FAM184B: variants seen among roughly 807,000 people sequenced by gnomAD.
FAM184B encodes family with sequence similarity 184 member B.
A neutral mutation model predicts 135.9 loss-of-function variants in FAM184B; 111 were observed. That is an observed-to-expected ratio of 0.82 (90% CI 0.70 to 0.96). The LOEUF is 0.96. Among genes scored for constraint, FAM184B ranks in the 40% least tolerant of loss-of-function variants. The pLI, the probability that FAM184B is intolerant of heterozygous loss-of-function variation, is 0.00. For synonymous variants in FAM184B, 552 were observed against 524.8 expected (o/e 1.05, Z -0.71); for missense variants, 1,375 against 1,323.9 (o/e 1.04, Z -0.60).
chr4:17,720,036 C>T (rs993698328), intron 1 of FAM184B, among the ~76,000 whole-genome samples: 1 of 152,232 alleles, frequency 6.6e-6, no homozygotes, highest in African/African-American at 2.4e-5. Flanking sequence ...ACATCCTCCT[C>T]AACTCCCATC....
intron 7 of FAM184B, among the ~76,000 whole-genome samples, chr4:17,676,873 C>G (rs1462256626): frequency 6.6e-6 from 1 of 152,066 alleles, no homozygotes; most frequent in Non-Finnish European, 1.5e-5. Flanking sequence ...AGCATATAGC[C>G]AAGGTGTATA....
chr4:17,666,469 C>CTTTTTTTTT (rs386399397), intron 7 of FAM184B, among the ~76,000 whole-genome samples: 1 of 57,160 alleles, frequency 1.7e-5, no homozygotes, highest in Non-Finnish European at 2.9e-5. Context: ...GTGCCTGGTT[C>CTTTTTTTTT]TTTTTTTTTT....
chr4:17,702,842 G>T (rs1364742820), intron 5 of FAM184B, among the ~76,000 whole-genome samples: 1 of 152,206 alleles, frequency 6.6e-6, no homozygotes, highest in Non-Finnish European at 1.5e-5. Flanking sequence ...CCCTCCTGCT[G>T]CTTGTGGCCG....
At chr4:17,775,554 T>A (rs894336476) in intron 1 of FAM184B, among the ~76,000 whole-genome samples, 4 of 152,204 alleles carry the variant, frequency 2.6e-5, no homozygotes, top group African/African-American at 9.7e-5. Context: ...ATAGAAACAC[T>A]TTTATCTTCT....
At chr4:17,740,891 G>A (rs767423713) in intron 1 of FAM184B, among the ~76,000 whole-genome samples, 8 of 152,096 alleles carry the variant, frequency 5.3e-5, no homozygotes, top group South Asian at 2.1e-4. Context: ...TAACCTTGCC[G>A]TCTCTTTGTC....
chr4:17,711,796 G>A (rs530027534), intron 1 of FAM184B, among the ~76,000 whole-genome samples: 58 of 152,298 alleles, frequency 3.8e-4, no homozygotes, highest in Non-Finnish European at 6.8e-4. Flanking sequence ...TAGGATGGAA[G>A]GAAGAGGTGG....
chr4:17,674,166 T>G (rs1001032905), intron 7 of FAM184B, among the ~76,000 whole-genome samples: 4 of 152,172 alleles, frequency 2.6e-5, no homozygotes, highest in African/African-American at 9.6e-5. Flanking sequence ...AAATCACTTT[T>G]AATTCTAGCA....
intron 7 of FAM184B, among the ~76,000 whole-genome samples, chr4:17,672,371 T>C (rs1716190642): frequency 6.6e-6 from 1 of 152,206 alleles, no homozygotes; most frequent in Admixed American, 6.5e-5. Flanking sequence ...TTCTCTTATC[T>C]GATTGCTCTG....
chr4:17,705,842 C>A lies in FAM184B; in HGVS notation c.1080G>T (p.Glu360Asp). Residue 360 changes from glutamate (E) to aspartate (D), a missense_variant, in exon 4 of 18, where the codon GAG becomes GAT. By Grantham distance (45) the Glu-to-Asp change is conservative (BLOSUM62 2). Transcript: ENST00000265018. ...LVSENKVLRE[E>D]NDLEAGNLHP... is the part of the protein sequence containing the mutation. ...GAAGATTGCCGGCTTCCAAGTCATTCTCTTCCCGCAGGACTTTGTTCTCTG... is the reference window on the plus strand; with the variant it reads ...GAAGATTGCCGGCTTCCAAGTCATTATCTTCCCGCAGGACTTTGTTCTCTG... The A allele has an allele frequency of 6.4e-7, 1 of 1,552,242 alleles. No homozygotes were observed. The highest frequency in any genetic ancestry group is 8.7e-7 in the Non-Finnish European group (1 of 1,147,120).
chr4:17,688,307 T>C, intron 7 of FAM184B, 117 bp downstream of exon 7: 2 of 686,076 alleles, frequency 2.9e-6, no homozygotes, highest in South Asian at 1.9e-5. Context: ...ATTTTGGCAG[T>C]GTCGAGGAGA....
intron 7 of FAM184B, among the ~76,000 whole-genome samples, chr4:17,686,930 G>GGGCA (rs1560176353): frequency 3.3e-5 from 5 of 152,190 alleles, no homozygotes; most frequent in Non-Finnish European, 5.9e-5. Context: ...AACAGAGAAA[G>GGGCA]ACCCTGTCTC....
At chr4:17,664,486 G>T in intron 8 of FAM184B, 76 bp downstream of exon 8, 1 of 1,152,708 alleles carries the variant, frequency 8.7e-7, no homozygotes, top group South Asian at 1.4e-5. Context: ...AGGATAGAAT[G>T]AATGAATGGA....
Position 17,664,441 on chromosome 4 carries a change from C to G in FAM184B, c.1694+121G>C. On this transcript the variant is annotated intron_variant, in intron 8 of 17. Coordinates refer to ENST00000265018, the MANE Select transcript of FAM184B (RefSeq NM_015688.2). ...CATACAAGATATGCTTGTTGCCTCC[C>G]CAAGCATGCTGCAAGGAGCAGTGAT... 3 of 738,426 alleles carry G rather than the reference C, an allele frequency of 4.1e-6. 1 individual carries two copies. In the South Asian group the frequency reaches 6.0e-5, roughly 15 times the overall value. The allele number at this position is 738,426 out of a possible 1,614,324, so 45.7% of individuals were successfully genotyped here.
intron 3 of FAM184B, 98 bp from the exon 4 acceptor site, chr4:17,705,989 C>T (rs1270906268): frequency 4.1e-6 from 6 of 1,455,984 alleles, no homozygotes; most frequent in African/African-American, 1.4e-5. Context: ...TTTACAACCA[C>T]TTTGTCCAAC....
At chr4:17,697,212 T>C (rs1042136469) in intron 5 of FAM184B, among the ~76,000 whole-genome samples, 1 of 152,148 alleles carries the variant, frequency 6.6e-6, no homozygotes, top group African/African-American at 2.4e-5. Flanking sequence ...ATACATTTGA[T>C]GGATGACTGA....
intron 6 of FAM184B, among the ~76,000 whole-genome samples, chr4:17,688,875 T>C (rs1716657246): frequency 6.6e-6 from 1 of 151,990 alleles, no homozygotes; most frequent in Non-Finnish European, 1.5e-5. Context: ...GTATTTTTAG[T>C]AGAAACGGGG....
chr4:17,688,673 G>A (rs1716650566), intron 6 of FAM184B, 142 bp from the exon 7 acceptor site: 5 of 206,748 alleles, frequency 2.4e-5, no homozygotes, highest in South Asian at 1.3e-4. Flanking sequence ...CACACTTCTA[G>A]AAATGCCTTT....
At chr4:17,731,037 A>C (rs1364793736) in intron 1 of FAM184B, among the ~76,000 whole-genome samples, 1 of 152,080 alleles carries the variant, frequency 6.6e-6, no homozygotes, top group African/African-American at 2.4e-5. Flanking sequence ...AGTTTAGAGA[A>C]AAAAGAATAA....
intron 7 of FAM184B, among the ~76,000 whole-genome samples, chr4:17,674,707 A>T (rs564981551): frequency 2.0e-5 from 3 of 152,344 alleles, no homozygotes; most frequent in African/African-American, 7.2e-5. Context: ...AACTAAGTTC[A>T]TGTAATATTC....
Sources: allele counts gnomAD v4.1 joint callset (sites outside exome capture counted in the v4.1 genomes callset), GRCh38; gene constraint gnomAD v4.1.1; transcripts MANE v1.5; gene names NCBI Gene and HGNC (gene_info 2026-07-23, HGNC 2026-07-21).